The following WWOX variants were observed in gnomAD, a reference collection of about 807,000 sequenced individuals.
WWOX encodes the protein WW domain-containing oxidoreductase.
Under a neutral mutation model 46.2 loss-of-function variants are expected in WWOX, and 69 were observed. That is an observed-to-expected ratio of 1.49 (90% CI 1.23 to 1.82). The LOEUF is 1.82. Among genes scored for constraint, WWOX ranks in the 40% most tolerant of loss-of-function variants. WWOX has a pLI of 0.00. For synonymous variants in WWOX, 359 were observed against 202.6 expected (o/e 1.77, Z -6.56); for missense variants, 919 against 542.6 (o/e 1.69, Z -6.89).
intron 6 of WWOX, among the ~76,000 whole-genome samples, chr16:78,396,304 G>GAA (rs201330100): frequency 6.7e-6 from 1 of 148,616 alleles, no homozygotes; most frequent in Non-Finnish European, 1.5e-5. Context: ...ACATTTGTCG[G>GAA]AAAAAAAAAA....
At chr16:78,648,841 G>C (rs922887748) in intron 8 of WWOX, among the ~76,000 whole-genome samples, 1 of 152,170 alleles carries the variant, frequency 6.6e-6, no homozygotes, top group Non-Finnish European at 1.5e-5. Flanking sequence ...TTCTGAATAA[G>C]TGACCTCTAT....
intron 8 of WWOX, chr16:78,994,330 C>G (rs370520934): frequency 5.3e-5 from 8 of 151,916 alleles, no homozygotes; most frequent in Admixed American, 3.3e-4. Flanking sequence ...GAGGAAGTGC[C>G]TCATGTGAAA....
At chr16:79,155,388 A>C (rs114645781) in intron 8 of WWOX, among the ~76,000 whole-genome samples, 1,842 of 150,308 alleles carry the variant, frequency 0.012, 25 homozygotes, top group African/African-American at 0.042. Flanking sequence ...AACAACAACA[A>C]AAAAGGTGGG....
At chr16:79,083,086 T>C (rs2087462659) in intron 8 of WWOX, among the ~76,000 whole-genome samples, 1 of 152,140 alleles carries the variant, frequency 6.6e-6, no homozygotes, top group Non-Finnish European at 1.5e-5. Context: ...CTAGACAAGA[T>C]AATGAATGAA....
intron 8 of WWOX, among the ~76,000 whole-genome samples, chr16:78,511,875 A>G (rs2151487607): frequency 6.6e-6 from 1 of 152,322 alleles, no homozygotes; most frequent in African/African-American, 2.4e-5. Flanking sequence ...TATTAAATAC[A>G]ACATGCTGTT....
chr16:78,374,669 C>T (rs1269534885), intron 5 of WWOX, among the ~76,000 whole-genome samples: 1 of 151,476 alleles, frequency 6.6e-6, no homozygotes, highest in Non-Finnish European at 1.5e-5. Context: ...CTGCCTCAGC[C>T]TCCCGAGTAG....
intron 8 of WWOX, among the ~76,000 whole-genome samples, chr16:78,518,210 A>G (rs2137097): frequency 0.85 from 129,717 of 152,056 alleles, 55,882 homozygotes; most frequent in East Asian, 1. Flanking sequence ...TGTTTTTGTT[A>G]TTATTATTAT....
At chr16:78,758,919 A>T (rs973803317) in intron 8 of WWOX, among the ~76,000 whole-genome samples, 2 of 150,458 alleles carry the variant, frequency 1.3e-5, no homozygotes, top group Admixed American at 6.6e-5. Context: ...ATTTTGCATT[A>T]AAAAAAACCA....
intron 1 of WWOX, among the ~76,000 whole-genome samples, chr16:78,107,540 G>A: frequency 6.6e-6 from 1 of 152,128 alleles, no homozygotes; most frequent in East Asian, 1.9e-4. Context: ...TTAAGGAGTG[G>A]GGTCACTTGA....
intron 5 of WWOX, among the ~76,000 whole-genome samples, chr16:78,227,877 A>G (rs1246030816): frequency 6.6e-6 from 1 of 152,032 alleles, no homozygotes; most frequent in African/African-American, 2.4e-5. Context: ...CTCTGTCTCA[A>G]AAAACAAACA....
At chr16:78,825,472 G>T in intron 8 of WWOX, 1 of 439,804 alleles carries the variant, frequency 2.3e-6, no homozygotes, top group South Asian at 1.8e-5. Context: ...GAACAGCCAG[G>T]GATTCTGGAA....
chr16:78,623,051 T>A (rs2046227679), intron 8 of WWOX, among the ~76,000 whole-genome samples: 1 of 151,916 alleles, frequency 6.6e-6, no homozygotes, highest in Non-Finnish European at 1.5e-5. Context: ...GCTAGCAACC[T>A]AAGGGAGCTT....
intron 8 of WWOX, among the ~76,000 whole-genome samples, chr16:78,562,330 C>G (rs922429001): frequency 6.6e-6 from 1 of 152,234 alleles, no homozygotes; most frequent in Non-Finnish European, 1.5e-5. Context: ...TATTCTGCAT[C>G]TACTCTGAAT....
intron 8 of WWOX, among the ~76,000 whole-genome samples, chr16:79,126,152 C>T (rs898638905): frequency 6.6e-5 from 10 of 152,214 alleles, no homozygotes; most frequent in African/African-American, 2.4e-4. Context: ...GGTGAGCTGT[C>T]ATTCTGGATG....
At chr16:78,847,754 T>TA (rs1309717866) in intron 8 of WWOX, among the ~76,000 whole-genome samples, 1 of 151,514 alleles carries the variant, frequency 6.6e-6, no homozygotes, top group Non-Finnish European at 1.5e-5. Context: ...TGGTAAATTG[T>TA]AAAAATGGTA....
intron 8 of WWOX, among the ~76,000 whole-genome samples, chr16:78,625,796 A>C (rs67114359): frequency 0.18 from 22,380 of 121,178 alleles, 1,939 homozygotes; most frequent in African/African-American, 0.26. Flanking sequence ...CTTAAAAGTA[A>C]TGGCAAAAAC....
intron 8 of WWOX, among the ~76,000 whole-genome samples, chr16:78,770,217 G>T (rs1411904495): frequency 6.6e-6 from 1 of 152,014 alleles, no homozygotes; most frequent in Non-Finnish European, 1.5e-5. Flanking sequence ...CGGGGTTGGT[G>T]GTGTGCTCCT....
intron 8 of WWOX, among the ~76,000 whole-genome samples, chr16:79,072,473 A>T (rs1341995188): frequency 6.6e-6 from 1 of 152,176 alleles, no homozygotes; most frequent in African/African-American, 2.4e-5. Context: ...TTCAGAGAGG[A>T]GATGTGGTAA....
At chr16:78,795,196 G>A (rs1361073894) in intron 8 of WWOX, among the ~76,000 whole-genome samples, 1 of 152,156 alleles carries the variant, frequency 6.6e-6, no homozygotes, top group Non-Finnish European at 1.5e-5. Context: ...ATTGTGCTAA[G>A]TGCTTTGCGG....
Sources: gnomAD v4.1 joint callset for allele counts (sites outside exome capture counted in the v4.1 genomes callset) on GRCh38, gnomAD v4.1.1 for gene constraint, MANE v1.5 for transcripts, NCBI Gene and HGNC (gene_info 2026-07-23, HGNC 2026-07-21) for gene names.